Variants in ZBTB1 observed in about 807,000 individuals in gnomAD.
ZBTB1 encodes zinc finger and BTB domain-containing protein 1.
A neutral mutation model predicts 51.6 loss-of-function variants in ZBTB1; 13 were observed. That is an observed-to-expected ratio of 0.25 (90% CI 0.16 to 0.40). The LOEUF (loss-of-function observed/expected upper bound fraction) is 0.40, where lower values mean the gene tolerates loss of function less well. Ranked by LOEUF, ZBTB1 falls within the 10% of genes least tolerant of loss-of-function variation. The pLI is 1.00. For missense variants in ZBTB1, 567 were observed against 856.5 expected, an observed-to-expected ratio of 0.66 and a Z score of 4.22; for synonymous variants, 240 against 282.2, an observed-to-expected ratio of 0.85 and a Z score of 1.50.
rs1408156278 is a variant in ZBTB1, at chr14:64,523,041, G to A, written c.1537G>A (p.Asp513Asn). ...MFVEMLDDFR[D>N]NHYQINSIQK... Reference sequence around the variant, plus strand: ...TGTTGAAATGCTGGATGATTTTAGGGACAATCATTACCAGATAAACAGTAT... The same window carrying A: ...TGTTGAAATGCTGGATGATTTTAGGAACAATCATTACCAGATAAACAGTAT... Residue 513 changes from aspartate (D) to asparagine (N), a missense_variant, in exon 2 of 2, where the codon GAC becomes AAC. Transcript: ENST00000683701. This position sits in a 1 kb window ranked among gnomAD's most constrained non-coding sequence, Gnocchi z 4.5. 1.2e-6 allele frequency: 2 copies of A among 1,614,124 alleles called. No homozygotes were observed.
intron 1 of ZBTB1, among the ~76,000 whole-genome samples, chr14:64,513,023 C>A (rs149449379): frequency 1.4e-3 from 216 of 152,190 alleles, no homozygotes; most frequent in African/African-American, 4.9e-3. Flanking sequence ...GTTATTTAAT[C>A]TTGAAAATGA....
intron 1 of ZBTB1, among the ~76,000 whole-genome samples, 173 bp from the exon 2 acceptor site, chr14:64,521,314 T>C (rs961260299): frequency 3.9e-5 from 6 of 152,264 alleles, no homozygotes; most frequent in African/African-American, 1.4e-4. Flanking sequence ...GATGTCTTCA[T>C]CTTCAAATTT....
At chr14:64,531,756 A>T in intron 2 of ZBTB1, 1 of 1,344,042 alleles carries the variant, frequency 7.4e-7, no homozygotes, top group Non-Finnish European at 1.1e-6. Context: ...GTGTTGGCCT[A>T]GTGCCAAAGC....
At chr14:64,508,192 G>C (rs995269718) in intron 1 of ZBTB1, among the ~76,000 whole-genome samples, 1 of 152,104 alleles carries the variant, frequency 6.6e-6, no homozygotes, top group Non-Finnish European at 1.5e-5. Flanking sequence ...TTGGGGACGT[G>C]GGTGGTTTTT....
chr14:64,528,885 G>C (rs1596706331), downstream of ZBTB1, among the ~76,000 whole-genome samples: 1 of 152,162 alleles, frequency 6.6e-6, no homozygotes, highest in Non-Finnish European at 1.5e-5. Flanking sequence ...ACTGGAGTTT[G>C]AACCTAGGTT....
At chr14:64,515,956 G>A (rs79545529) in intron 1 of ZBTB1, among the ~76,000 whole-genome samples, 5,921 of 152,248 alleles carry the variant, frequency 0.039, 396 homozygotes, top group African/African-American at 0.13. Context: ...TTCTGGGCTA[G>A]GCACAGTGGT....
intron 1 of ZBTB1, among the ~76,000 whole-genome samples, chr14:64,511,860 T>G (rs1223543468): frequency 6.6e-6 from 1 of 152,204 alleles, no homozygotes; most frequent in Non-Finnish European, 1.5e-5. Flanking sequence ...CATAATTGTT[T>G]CAGAGGAGAA....
intron 1 of ZBTB1, among the ~76,000 whole-genome samples, chr14:64,520,144 G>A (rs971320679): frequency 2.6e-5 from 4 of 152,092 alleles, no homozygotes; most frequent in Non-Finnish European, 5.9e-5. Flanking sequence ...TGGGAATACA[G>A]GCGCCCACCA....
chr14:64,528,344 C>CTTTTTTTT (rs71123857), downstream of ZBTB1, among the ~76,000 whole-genome samples: 5 of 115,538 alleles, frequency 4.3e-5, no homozygotes, highest in African/African-American at 7.0e-5. Context: ...TTTTTCTTTT[C>CTTTTTTTT]TTTTTTTTTT....
At chr14:64,508,819 C>T (rs1404224495) in intron 1 of ZBTB1, among the ~76,000 whole-genome samples, 1 of 152,116 alleles carries the variant, frequency 6.6e-6, no homozygotes, top group African/African-American at 2.4e-5. Flanking sequence ...ATAAAACTTA[C>T]CTGTTTAAAC....
At chr14:64,503,723 G>C (rs1024886923), upstream of ZBTB1, 3 of 562,640 alleles carry the variant, frequency 5.3e-6, no homozygotes, top group South Asian at 1.5e-4. Context: ...CCCAAGCCGC[G>C]CACTGCAAGC....
intron 1 of ZBTB1, among the ~76,000 whole-genome samples, chr14:64,519,459 T>TA (rs113744354): frequency 1.6e-3 from 210 of 135,036 alleles, no homozygotes; most frequent in Admixed American, 2.0e-3. Context: ...TTTTAACAAT[T>TA]AAAAAAAAAA....
chr14:64,521,576 T>G lies in ZBTB1; in HGVS notation c.72T>G (p.Cys24Trp). Residue 24 changes from cysteine (C) to tryptophan (W), a missense_variant, in exon 2 of 2, where the codon TGT becomes TGG. Cys to Trp is a radical substitution (Grantham distance 215, BLOSUM62 -2). Coordinates refer to ENST00000683701, the MANE Select transcript of ZBTB1 (RefSeq NM_001123329.2). ...ACCAAAGAGAATGGGGTTTTCTCTG[T>G]GACTGCTGTATTGCAATTGATGACA... ...LNNQREWGFL[C>W]DCCIAIDDIY... 6.2e-7 allele frequency: 1 copy of G among 1,614,236 alleles called. No homozygotes were observed.
chr14:64,533,619 A>C (rs1660811697), exon 3 of ZBTB1: 1 of 152,514 alleles, frequency 6.6e-6, no homozygotes, highest in Admixed American at 6.5e-5. Flanking sequence ...TTATTGGGTT[A>C]AAGTACTTTT....
At chr14:64,516,009 G>A (rs1013097502) in intron 1 of ZBTB1, among the ~76,000 whole-genome samples, 6 of 152,134 alleles carry the variant, frequency 3.9e-5, no homozygotes, top group Non-Finnish European at 8.8e-5. Context: ...GAGGTGGGAG[G>A]ATTGCTTGAG....
chr14:64,522,390 G>T lies in ZBTB1; in HGVS notation c.886G>T (p.Ala296Ser), dbSNP rs1451918615. The change falls in exon 2 of 2, where the codon GCT becomes TCT. Residue 296 changes from alanine (A) to serine (S), a missense_variant. This residue lies in a region of ZBTB1 where 329 missense variants were observed against 406.3 expected (regional missense o/e 0.81). Transcript: ENST00000683701. ...CACAAGCCAGGCTGCTGATGATTCAGCTTCAACCACTGGAAGCAGAAAAAG... is the reference window on the plus strand; with the variant it reads ...CACAAGCCAGGCTGCTGATGATTCATCTTCAACCACTGGAAGCAGAAAAAG... ...GDTSQAADDS[A>S]STTGSRKSST... The T allele has an allele frequency of 6.2e-7, 1 of 1,614,020 alleles. No individual in the cohort carries two copies. The highest frequency in any genetic ancestry group is 8.5e-7 in the Non-Finnish European group (1 of 1,180,042).
At chr14:64,508,503 A>C (rs2079690149) in intron 1 of ZBTB1, among the ~76,000 whole-genome samples, 1 of 152,188 alleles carries the variant, frequency 6.6e-6, no homozygotes, top group Admixed American at 6.5e-5. Context: ...AGAATGTTCC[A>C]AAGGGGCACT....
upstream of ZBTB1, chr14:64,504,638 T>A (rs1596678720): frequency 3.2e-6 from 1 of 309,726 alleles, no homozygotes; most frequent in East Asian, 5.1e-5. Context: ...GCAGAGTGGG[T>A]GGGCGGGCGA....
At chr14:64,529,653 C>T (rs548371966), downstream of ZBTB1, among the ~76,000 whole-genome samples, 2 of 152,062 alleles carry the variant, frequency 1.3e-5, no homozygotes, top group African/African-American at 2.4e-5. Flanking sequence ...TGCCTGTAGT[C>T]CCAGTTACTT....
Sources: allele counts gnomAD v4.1 joint callset (sites outside exome capture counted in the v4.1 genomes callset), GRCh38; gene constraint gnomAD v4.1.1; regional missense constraint gnomAD v4.1.1; non-coding constraint Gnocchi (gnomAD v3.1); transcripts MANE v1.5; gene names NCBI Gene and HGNC (gene_info 2026-07-23, HGNC 2026-07-21).